Variants in RNF144B observed in about 807,000 individuals in gnomAD.
RNF144B encodes E3 ubiquitin-protein ligase RNF144B.
A neutral mutation model predicts 40.2 loss-of-function variants in RNF144B; 25 were observed. The ratio of observed to expected loss-of-function variants is 0.62; its 90% CI spans 0.45 to 0.87. The LOEUF (loss-of-function observed/expected upper bound fraction) is 0.87, where lower values mean the gene tolerates loss of function less well. Among genes scored for constraint, RNF144B ranks in the 40% least tolerant of loss-of-function variants. The pLI is 0.00. For synonymous variants in RNF144B, 145 were observed against 136.3 expected (o/e 1.06, Z -0.44); for missense variants, 365 against 373.7 (o/e 0.98, Z 0.19).
intron 4 of RNF144B, among the ~76,000 whole-genome samples, chr6:18,452,427 T>TCCCA (rs1759229184): frequency 6.6e-6 from 1 of 152,142 alleles, no homozygotes; most frequent in African/African-American, 2.4e-5. Flanking sequence ...AGAAAGGGAA[T>TCCCA]TTTTAGGGGA....
intron 2 of RNF144B, among the ~76,000 whole-genome samples, chr6:18,421,273 TACACACACAC>T (rs1170609706): frequency 5.9e-4 from 60 of 102,306 alleles, no homozygotes; most frequent in Admixed American, 8.0e-4. Flanking sequence ...TTATATATTA[TACACACACAC>T]ACACACACAC....
At chr6:18,431,225 C>CA (rs34755519) in intron 3 of RNF144B, among the ~76,000 whole-genome samples, 18,017 of 145,968 alleles carry the variant, frequency 0.12, 1,294 homozygotes, top group Admixed American at 0.2. Context: ...GACTCCATCT[C>CA]AAAAAAAAAT....
At chr6:18,462,012 G>T (rs1236231334) in intron 6 of RNF144B, among the ~76,000 whole-genome samples, 1 of 152,162 alleles carries the variant, frequency 6.6e-6, no homozygotes, top group African/African-American at 2.4e-5. Flanking sequence ...GAGCTGTTCA[G>T]TTATCTCTTT....
intron 3 of RNF144B, among the ~76,000 whole-genome samples, chr6:18,431,739 C>T (rs1013961142): frequency 1.3e-5 from 2 of 152,212 alleles, no homozygotes; most frequent in South Asian, 2.1e-4. Flanking sequence ...TTACCAAATG[C>T]ATTTAAGTCT....
rs1215170709 is a variant in RNF144B, at chr6:18,418,933, A to G, written c.166-8648A>G. The stretch of plus-strand genomic sequence containing the variant: ...TCTGGAAACCTTCCCAGATAATTCT[A>G]TTAAAAAGCTGATGTGGAGAATCTT... On this transcript the variant is annotated intron_variant, in intron 2 of 7. Transcript: ENST00000259939. The surrounding 1 kb of genome is among the most constrained non-coding windows in gnomAD (Gnocchi z 5.2). Among the ~76,000 whole-genome samples the G allele has an allele frequency of 2.0e-5, 3 of 152,128 alleles. No individual in the cohort carries two copies. The highest frequency in any genetic ancestry group is 4.4e-5 in the Non-Finnish European group (3 of 68,030).
Position 18,423,940 on chromosome 6 carries a change from T to A in RNF144B, c.166-3641T>A, listed in dbSNP as rs183778950. Among the ~76,000 whole-genome samples, 160 of 152,354 alleles carry A rather than the reference T, an allele frequency of 1.1e-3. 1 individual carries two copies. The highest frequency in any genetic ancestry group is 3.7e-3 in the African/African-American group (155 of 41,598). On this transcript the variant is annotated intron_variant, in intron 2 of 7. Coordinates refer to ENST00000259939, the MANE Select transcript of RNF144B (RefSeq NM_182757.4). ...ATTTGTTACCTGTTAAGAAAATTGC[T>A]TATTTAAATATCTGTTGAATGCTAC... is the stretch of plus-strand genomic sequence containing the variant.
Position 18,457,428 on chromosome 6 carries a change from T to A in RNF144B, c.536+69T>A. 8.6e-7 allele frequency: 1 copy of A among 1,160,838 alleles called. No homozygotes were observed. Among genetic ancestry groups the A allele is most frequent in the Non-Finnish European group, 1.3e-6 (1 of 768,458 alleles). The allele number at this position is 1,160,838 out of a possible 1,614,324, so 71.9% of individuals were successfully genotyped here. A position where few individuals can be genotyped will look rare whatever the true frequency, so the allele number is the denominator to read the frequency against. On this transcript the variant is annotated intron_variant, in intron 5 of 7. Coordinates refer to ENST00000259939, the MANE Select transcript of RNF144B (RefSeq NM_182757.4). This position sits in a 1 kb window ranked among gnomAD's most constrained non-coding sequence, Gnocchi z 5.1. ...TTAGAAATTCAACATACCTTACGTG[T>A]AGAAGGAGTTACGTTGTGATGGCGT...
intron 2 of RNF144B, among the ~76,000 whole-genome samples, chr6:18,403,971 C>G (rs1794844033): frequency 6.6e-6 from 1 of 152,224 alleles, no homozygotes; most frequent in Non-Finnish European, 1.5e-5. Context: ...CTCGCCACAG[C>G]AAGAACTCAG....
At chr6:18,461,309 T>A (rs1310904848) in intron 6 of RNF144B, among the ~76,000 whole-genome samples, 1 of 152,348 alleles carries the variant, frequency 6.6e-6, no homozygotes, top group Admixed American at 6.5e-5. Flanking sequence ...TACAATTATG[T>A]TTGATATTTA....
At position 18,422,680 on chromosome 6, in the gene RNF144B, G is replaced by T. The variant is rs1011714786; in HGVS notation, c.166-4901G>T. ...AGTCAACTTAAATTTTCAATGAATG[G>T]GCCAGTTGCAGTGGCTCACACCTGT... On this transcript the variant is annotated intron_variant, in intron 2 of 7. Coordinates refer to ENST00000259939, the MANE Select transcript of RNF144B (RefSeq NM_182757.4). The surrounding 1 kb of genome is among the most constrained non-coding windows in gnomAD (Gnocchi z 4.7). Among the ~76,000 whole-genome samples, 1 of 152,120 alleles carries T rather than the reference G, an allele frequency of 6.6e-6. No homozygotes were observed. Among genetic ancestry groups the T allele is most frequent in the African/African-American group, 2.4e-5 (1 of 41,418 alleles).
At chr6:18,411,479 A>AT (rs1795035505) in intron 2 of RNF144B, among the ~76,000 whole-genome samples, 1 of 34,378 alleles carries the variant, frequency 2.9e-5, no homozygotes, top group Non-Finnish European at 6.2e-5. Context: ...ATATATATAT[A>AT]TATATATATA....
intron 2 of RNF144B, among the ~76,000 whole-genome samples, chr6:18,403,927 A>G (rs984229156): frequency 1.3e-5 from 2 of 152,222 alleles, no homozygotes; most frequent in Admixed American, 6.5e-5. Flanking sequence ...GGCAGGAACT[A>G]TTAAGAATTC....
At chr6:18,394,775 C>T (rs899536131) in intron 1 of RNF144B, among the ~76,000 whole-genome samples, 3 of 152,136 alleles carry the variant, frequency 2.0e-5, no homozygotes, top group African/African-American at 2.4e-5. Context: ...AGGGGAAAGG[C>T]GACTTTCCAT....
At chr6:18,393,782 C>G (rs1043292496) in intron 1 of RNF144B, among the ~76,000 whole-genome samples, 3 of 152,184 alleles carry the variant, frequency 2.0e-5, no homozygotes, top group African/African-American at 7.2e-5. Flanking sequence ...AGCCTTTCTT[C>G]ATCACCACCC....
chr6:18,390,835 A>C (rs1794564981), intron 1 of RNF144B, among the ~76,000 whole-genome samples: 1 of 152,148 alleles, frequency 6.6e-6, no homozygotes, highest in Non-Finnish European at 1.5e-5. Flanking sequence ...GGGTTTAATC[A>C]CCTTTACATC....
intron 3 of RNF144B, 104 bp downstream of exon 3, chr6:18,427,789 C>A: frequency 2.7e-6 from 2 of 738,124 alleles, no homozygotes; most frequent in East Asian, 2.7e-5. Flanking sequence ...CAAGAAAATA[C>A]AGAGGTTAAC....
intron 2 of RNF144B, among the ~76,000 whole-genome samples, chr6:18,407,966 TTTTC>T (rs147917218): frequency 0.64 from 93,341 of 145,330 alleles, 30,538 homozygotes; most frequent in Non-Finnish European, 0.69. Flanking sequence ...GAATTTTTCT[TTTTC>T]TTTCTTTCTT....
intron 4 of RNF144B, among the ~76,000 whole-genome samples, chr6:18,445,512 C>G (rs1396216264): frequency 6.6e-6 from 1 of 152,148 alleles, no homozygotes; most frequent in African/African-American, 2.4e-5. Flanking sequence ...GTCTCAAGAT[C>G]ACATAGCTGT....
At chr6:18,392,562 T>A (rs1173467925) in intron 1 of RNF144B, among the ~76,000 whole-genome samples, 1 of 152,172 alleles carries the variant, frequency 6.6e-6, no homozygotes, top group African/African-American at 2.4e-5. Flanking sequence ...TGTGATCTCA[T>A]TGCCATCCTA....
Sources: allele counts gnomAD v4.1 joint callset (sites outside exome capture counted in the v4.1 genomes callset), GRCh38; gene constraint gnomAD v4.1.1; non-coding constraint Gnocchi (gnomAD v3.1); transcripts MANE v1.5; gene names NCBI Gene and HGNC (gene_info 2026-07-23, HGNC 2026-07-21).